DRC10: variants seen among roughly 807,000 people sequenced by gnomAD.
The protein encoded by DRC10 is IQ domain-containing protein D.
At chr12:113,216,959 G>A in the DRC10 span, among the ~76,000 whole-genome samples, 2 of 151,962 alleles carry the variant, frequency 1.3e-5, no homozygotes, top group East Asian at 3.9e-4. Context: ...CATGGTGTTG[G>A]GCACCTGTAA....
At chr12:113,205,837 C>T in the DRC10 span, among the ~76,000 whole-genome samples, 42 of 140,018 alleles carry the variant, frequency 3.0e-4, no homozygotes, top group Non-Finnish European at 6.2e-4. Flanking sequence ...TGCAGTGAGC[C>T]GAGATTGCGC....
the DRC10 span, chr12:113,207,033 C>T: frequency 2.9e-6 from 1 of 343,786 alleles, no homozygotes; most frequent in Non-Finnish European, 5.6e-6. Flanking sequence ...GCACTCTAGC[C>T]TGGGCAACAG....
chr12:113,202,197 C>T, the DRC10 span, among the ~76,000 whole-genome samples: 1 of 152,330 alleles, frequency 6.6e-6, no homozygotes, highest in Admixed American at 6.5e-5. Flanking sequence ...GACAGGCTCA[C>T]TGGGGACACA....
the DRC10 span, chr12:113,197,653 TAAC>T: frequency 7.7e-7 from 1 of 1,292,348 alleles, no homozygotes; most frequent in Non-Finnish European, 1.1e-6. Context: ...TGGAATATAT[TAAC>T]AATCAACAGC....
At chr12:113,211,299 A>G in the DRC10 span, among the ~76,000 whole-genome samples, 1 of 152,152 alleles carries the variant, frequency 6.6e-6, no homozygotes, top group Non-Finnish European at 1.5e-5. Flanking sequence ...GTTGCCCAGG[A>G]GAAGGAAGTG....
the DRC10 span, chr12:113,195,865 C>G: frequency 1.2e-6 from 2 of 1,611,578 alleles, no homozygotes; most frequent in Non-Finnish European, 1.7e-6. Context: ...TCCCTGTGAA[C>G]AGCGTCCAGA....
the DRC10 span, chr12:113,208,224 T>G: frequency 6.5e-7 from 1 of 1,534,334 alleles, no homozygotes; most frequent in Non-Finnish European, 8.7e-7. Context: ...TTCGGTAGAC[T>G]ACTTGGGTCT....
the DRC10 span, among the ~76,000 whole-genome samples, chr12:113,217,691 T>C: frequency 8.5e-3 from 1,294 of 152,152 alleles, 27 homozygotes; most frequent in East Asian, 0.056. Flanking sequence ...GTTACCACGC[T>C]TGGCTAATTT....
At chr12:113,211,872 C>G in the DRC10 span, among the ~76,000 whole-genome samples, 3 of 151,800 alleles carry the variant, frequency 2.0e-5, no homozygotes, top group African/African-American at 7.3e-5. Context: ...TCAAGATCAG[C>G]ATGGGCAACA....
the DRC10 span, among the ~76,000 whole-genome samples, chr12:113,204,953 C>T: frequency 6.6e-6 from 1 of 152,020 alleles, no homozygotes; most frequent in Non-Finnish European, 1.5e-5. Context: ...TCGCTGATCC[C>T]TAGCTTGGAA....
the DRC10 span, chr12:113,195,974 A>G: frequency 6.7e-7 from 1 of 1,493,144 alleles, no homozygotes; most frequent in Non-Finnish European, 8.9e-7. Flanking sequence ...CCCTTCCCAA[A>G]TGGTCTTCTG....
the DRC10 span, among the ~76,000 whole-genome samples, chr12:113,199,109 GTAT>G: frequency 6.6e-6 from 1 of 152,004 alleles, no homozygotes; most frequent in African/African-American, 2.4e-5. Flanking sequence ...GGCTAATTTT[GTAT>G]TTTTAGTAGA....
At chr12:113,202,290 T>C in the DRC10 span, among the ~76,000 whole-genome samples, 1 of 152,124 alleles carries the variant, frequency 6.6e-6, no homozygotes, top group Admixed American at 6.5e-5. Flanking sequence ...CACACACATA[T>C]GTTATCCACA....
chr12:113,199,928 C>T, the DRC10 span: 1 of 179,634 alleles, frequency 5.6e-6, no homozygotes, highest in African/African-American at 2.4e-5. Context: ...TGCTGTTGCC[C>T]AGGCTGGAGT....
chr12:113,209,923 C>G, the DRC10 span, among the ~76,000 whole-genome samples: 1 of 152,294 alleles, frequency 6.6e-6, no homozygotes, highest in East Asian at 1.9e-4. Flanking sequence ...GTCAGGAGTT[C>G]AAGACAAGCC....
the DRC10 span, among the ~76,000 whole-genome samples, chr12:113,205,011 T>C: frequency 6.6e-6 from 1 of 152,110 alleles, no homozygotes; most frequent in Non-Finnish European, 1.5e-5. Flanking sequence ...GCATTCTTCA[T>C]ATCTTGGCTT....
At chr12:113,200,654 C>T in the DRC10 span, 20 of 1,536,200 alleles carry the variant, frequency 1.3e-5, 1 homozygote, top group African/African-American at 2.7e-4. Context: ...TGCAGGATCT[C>T]CTGCTGGATC....
At chr12:113,197,641 G>A in the DRC10 span, 1 of 1,375,762 alleles carries the variant, frequency 7.3e-7, no homozygotes, top group Admixed American at 2.0e-5. Flanking sequence ...GTCATTGTTT[G>A]ATGGAATATA....
chr12:113,219,970 G>C, the DRC10 span, among the ~76,000 whole-genome samples: 13 of 152,250 alleles, frequency 8.5e-5, no homozygotes, highest in African/African-American at 2.9e-4. Flanking sequence ...ACCAGGCCCG[G>C]CTAATTTTTG....
Sources: allele counts gnomAD v4.1 joint callset (sites outside exome capture counted in the v4.1 genomes callset), GRCh38; gene constraint gnomAD v4.1.1; transcripts MANE v1.5; gene names NCBI Gene and HGNC (gene_info 2026-07-23, HGNC 2026-07-21).